Variants in RYK observed in about 807,000 individuals in gnomAD.
RYK encodes inactive tyrosine-protein kinase RYK.
Under a neutral mutation model 70.2 loss-of-function variants are expected in RYK, and 21 were observed. That is an observed-to-expected ratio of 0.30 (90% CI 0.21 to 0.43). RYK has a LOEUF of 0.43. RYK is among the 20% of genes least tolerant of loss of function. RYK has a pLI of 1.00. For missense variants in RYK, 604 were observed against 753.3 expected, an observed-to-expected ratio of 0.80 and a Z score of 2.32; for synonymous variants, 267 against 278.0, an observed-to-expected ratio of 0.96 and a Z score of 0.39.
chr3:134,189,811 C>T (rs1157276147), intron 8 of RYK, among the ~76,000 whole-genome samples: 2 of 150,552 alleles, frequency 1.3e-5, no homozygotes, highest in Admixed American at 6.6e-5. Context: ...ATGACCTTTG[C>T]GGGTGCTAGG....
chr3:134,175,494 T>C, intron 13 of RYK, 115 bp downstream of exon 13: 1 of 1,265,878 alleles, frequency 7.9e-7, no homozygotes, highest in Non-Finnish European at 1.1e-6. Context: ...TGGATAAAAA[T>C]TTCCGGGAAC....
chr3:134,197,984 C>G (rs1022497543), intron 6 of RYK, among the ~76,000 whole-genome samples: 3 of 152,172 alleles, frequency 2.0e-5, no homozygotes, highest in Non-Finnish European at 4.4e-5. Context: ...ATAAGCAAAG[C>G]ACTATGCTAA....
chr3:134,250,566 AGCAGCG>A lies in RYK; in HGVS notation c.83_88del (p.Pro28_Leu29del). ...CAGCGGCAACAGCGCAAGCAGAAGCAGCAGCGGCGGCGGCGGCGGGGCCCTCAGGCC... is the reference window on the plus strand; with the variant it reads ...CAGCGGCAACAGCGCAAGCAGAAGCAGCGGCGGCGGCGGGGCCCTCAGGCC... On this transcript the variant is annotated inframe_deletion, in exon 1 of 15. Transcript: ENST00000623711. 9.2e-7 allele frequency: 1 copy of A among 1,087,500 alleles called. No homozygotes were observed. The highest frequency in any genetic ancestry group is 1.7e-5 in the African/African-American group (1 of 58,438). The allele number at this position is 1,087,500 out of a possible 1,614,324, so 67.4% of individuals were successfully genotyped here. A position where few individuals can be genotyped will look rare whatever the true frequency, so the allele number is the denominator to read the frequency against.
intron 2 of RYK, among the ~76,000 whole-genome samples, chr3:134,221,196 CTTTTTTTTTTTTTTT>C (rs71139519): frequency 2.5e-5 from 2 of 78,562 alleles, no homozygotes; most frequent in South Asian, 5.8e-4. Flanking sequence ...AGTTCTTTTT[CTTTTTTTTTTTTTTT>C]TTTTTTTTTT....
At chr3:134,167,192 A>G (rs191857501) in intron 13 of RYK, among the ~76,000 whole-genome samples, 2 of 152,326 alleles carry the variant, frequency 1.3e-5, no homozygotes, top group Admixed American at 6.5e-5. Context: ...GGAACAATCA[A>G]TATCGTGAAA....
At chr3:134,220,621 A>G (rs2014703575) in intron 2 of RYK, among the ~76,000 whole-genome samples, 1 of 152,222 alleles carries the variant, frequency 6.6e-6, no homozygotes, top group Non-Finnish European at 1.5e-5. Flanking sequence ...AAGTGCACAA[A>G]AACTTCTGAA....
chr3:134,240,301 T>C (rs954890359), intron 1 of RYK, among the ~76,000 whole-genome samples: 3 of 152,122 alleles, frequency 2.0e-5, no homozygotes, highest in African/African-American at 7.2e-5. Flanking sequence ...GTGGTAGAGA[T>C]GAAACAGAAT....
chr3:134,217,885 C>T (rs534367480), intron 2 of RYK, among the ~76,000 whole-genome samples: 24 of 152,176 alleles, frequency 1.6e-4, no homozygotes, highest in Middle Eastern at 3.4e-3. Context: ...AATAAATAAA[C>T]GTAATCAACT....
chr3:134,220,790 A>T (rs1389858775), intron 2 of RYK, among the ~76,000 whole-genome samples: 1 of 152,236 alleles, frequency 6.6e-6, no homozygotes, highest in Non-Finnish European at 1.5e-5. Context: ...CAAAGGTAGA[A>T]ACATCAATAA....
At chr3:134,174,270 A>G (rs1393317138) in intron 13 of RYK, among the ~76,000 whole-genome samples, 2 of 152,230 alleles carry the variant, frequency 1.3e-5, no homozygotes, top group East Asian at 3.8e-4. Flanking sequence ...GTGAACCACG[A>G]GAGACTATAT....
intron 6 of RYK, among the ~76,000 whole-genome samples, chr3:134,195,912 C>T (rs571195166): frequency 7.2e-4 from 109 of 151,884 alleles, no homozygotes; most frequent in African/African-American, 2.5e-3. Context: ...CGCCACTGCA[C>T]TCCAGCCTGG....
At chr3:134,207,816 T>G (rs1203092732) in intron 4 of RYK, among the ~76,000 whole-genome samples, 3 of 152,152 alleles carry the variant, frequency 2.0e-5, no homozygotes, top group Non-Finnish European at 4.4e-5. Flanking sequence ...CAGTGAACAT[T>G]AGAATATAAA....
Position 134,249,921 on chromosome 3 carries a change from T to G in RYK, c.232+502A>C, listed in dbSNP as rs889012978. ...ACCTCCCCTTCTTTCTCTCTCGTTT[T>G]TTTTTTTTTTTTTTTTTTTTTTGTA... On this transcript the variant is annotated intron_variant, in intron 1 of 14. Coordinates refer to ENST00000623711, the MANE Select transcript of RYK (RefSeq NM_002958.4). Among the ~76,000 whole-genome samples the G allele has an allele frequency of 5.8e-3, 601 of 104,194 alleles. 11 individuals carry two copies. The highest frequency in any genetic ancestry group is 0.037 in the East Asian group (58 of 1,562). The allele number at this position is 104,194 out of a possible 152,430, so 68.4% of individuals were successfully genotyped here.
At chr3:134,194,821 C>A (rs536185097) in intron 7 of RYK, among the ~76,000 whole-genome samples, 2 of 152,274 alleles carry the variant, frequency 1.3e-5, no homozygotes, top group South Asian at 2.1e-4. Context: ...GACTTAGTAG[C>A]CCTTTTAGTA....
intron 1 of RYK, among the ~76,000 whole-genome samples, chr3:134,231,323 T>TA (rs2015054093): frequency 6.6e-6 from 1 of 152,130 alleles, no homozygotes; most frequent in East Asian, 1.9e-4. Flanking sequence ...ATATAGCCAA[T>TA]TCCTTCCCAG....
chr3:134,249,933 T>TTTG (rs2015567768), intron 1 of RYK, among the ~76,000 whole-genome samples: 1 of 148,374 alleles, frequency 6.7e-6, no homozygotes, highest in Non-Finnish European at 1.5e-5. Flanking sequence ...TTTTTTTTTT[T>TTTG]TTTTTTTTTT....
intron 10 of RYK, chr3:134,179,713 T>C (rs1160299218): frequency 6.6e-6 from 1 of 152,218 alleles, no homozygotes; most frequent in Non-Finnish European, 1.5e-5. Context: ...AATACTAAAA[T>C]GACTACAGGT....
At chr3:134,176,138 C>A (rs1007440727) in intron 11 of RYK, 99 bp from the exon 12 acceptor site, 5 of 732,148 alleles carry the variant, frequency 6.8e-6, no homozygotes, top group South Asian at 1.7e-5. Context: ...TCCAAAAATA[C>A]TGCTTTAAAC....
chr3:134,169,551 T>C (rs1227596465), intron 13 of RYK, among the ~76,000 whole-genome samples: 2 of 152,210 alleles, frequency 1.3e-5, no homozygotes, highest in Admixed American at 6.5e-5. Context: ...ATGTGCATAG[T>C]TCTTAAGCTC....
Sources: gnomAD v4.1 joint callset for allele counts (sites outside exome capture counted in the v4.1 genomes callset) on GRCh38, gnomAD v4.1.1 for gene constraint, MANE v1.5 for transcripts, NCBI Gene and HGNC (gene_info 2026-07-23, HGNC 2026-07-21) for gene names.